The following GLB1 variants were observed in gnomAD, a reference collection of about 807,000 sequenced individuals.
The protein encoded by GLB1 is beta-galactosidase.
A neutral mutation model predicts 74.0 loss-of-function variants in GLB1; 56 were observed. The observed-to-expected ratio is 0.76, with a 90% CI of 0.61 to 0.94. The LOEUF is 0.94. GLB1 is among the 40% of genes least tolerant of loss of function. The pLI is 0.00. For synonymous variants in GLB1, 323 were observed against 323.6 expected, an observed-to-expected ratio of 1.00 and a Z score of 0.02; for missense variants, 787 against 845.5, an observed-to-expected ratio of 0.93 and a Z score of 0.86.
intron 4 of GLB1, 95 bp from the exon 5 acceptor site, chr3:33,065,652 T>C (rs2125543830): frequency 7.1e-7 from 1 of 1,418,414 alleles, no homozygotes; most frequent in East Asian, 2.5e-5. Context: ...CCAACACAAA[T>C]TCGTAAACTT....
At chr3:33,024,116 G>T in intron 11 of GLB1, 135 bp downstream of exon 11, 2 of 995,424 alleles carry the variant, frequency 2.0e-6, no homozygotes, top group Non-Finnish European at 3.0e-6. Flanking sequence ...TACCCCATTA[G>T]GCTTGCAGAA....
chr3:32,968,621 C>G, the GLB1 span, among the ~76,000 whole-genome samples: 1 of 152,104 alleles, frequency 6.6e-6, no homozygotes, highest in Non-Finnish European at 1.5e-5. Context: ...CATTTAGATC[C>G]CAAATTTCTT....
rs61013692 is a variant in GLB1 at position 33,022,564 on chromosome 3, ATTT to A, written c.1144-912_1144-910del. On this transcript the variant is annotated intron_variant, in intron 11 of 15. Transcript: ENST00000307363. ...TTCCATGACTATAATACTGGTTAGG[ATTT>A]TTTTTTTTTTTTTTTTGAGAGAGTC... 2.5e-4 allele frequency among the ~76,000 whole-genome samples: 16 copies of A among 63,766 alleles called. 1 individual carries two copies. The highest frequency in any genetic ancestry group is 1.7e-3 in the East Asian group (3 of 1,720). 41.8% of individuals were successfully genotyped at this position (63,766 alleles called of 152,430 possible).
At chr3:32,965,367 T>C in the GLB1 span, among the ~76,000 whole-genome samples, 1 of 152,106 alleles carries the variant, frequency 6.6e-6, no homozygotes, top group Non-Finnish European at 1.5e-5. Flanking sequence ...ATAAGGAAGT[T>C]CTTGGGGACT....
chr3:33,058,697 A>G (rs1208747241), intron 5 of GLB1, among the ~76,000 whole-genome samples: 2 of 152,228 alleles, frequency 1.3e-5, no homozygotes, highest in Non-Finnish European at 2.9e-5. Context: ...ACAGCCGTCT[A>G]GATTTACACA....
intron 5 of GLB1, among the ~76,000 whole-genome samples, chr3:33,063,574 T>C (rs1470495717): frequency 6.6e-6 from 1 of 152,202 alleles, no homozygotes; most frequent in Non-Finnish European, 1.5e-5. Flanking sequence ...TACTTGATTA[T>C]ACTTTTTGTG....
At chr3:32,962,432 C>A in the GLB1 span, among the ~76,000 whole-genome samples, 1 of 150,726 alleles carries the variant, frequency 6.6e-6, no homozygotes, top group Non-Finnish European at 1.5e-5. Context: ...TAAATGGGAA[C>A]TTTCTGTGCC....
At chr3:33,016,962 G>T in intron 13 of GLB1, 122 bp from the exon 14 acceptor site, 2 of 1,477,068 alleles carry the variant, frequency 1.4e-6, no homozygotes, top group East Asian at 2.4e-5. Context: ...GACTTGGAAA[G>T]AAATGCTTTG....
chr3:33,096,886 T>TG, intron 1 of GLB1, 125 bp downstream of exon 1: 4 of 1,479,346 alleles, frequency 2.7e-6, no homozygotes, highest in Non-Finnish European at 2.7e-6. Context: ...GCGAGCCTGC[T>TG]GGGGGGCACT....
At chr3:32,984,080 C>T in the GLB1 span, among the ~76,000 whole-genome samples, 1 of 152,112 alleles carries the variant, frequency 6.6e-6, no homozygotes, top group Non-Finnish European at 1.5e-5. Context: ...AGATATGTAG[C>T]TGCAATATTA....
intron 10 of GLB1, among the ~76,000 whole-genome samples, chr3:33,037,439 A>G (rs1246857210): frequency 2.6e-5 from 4 of 152,228 alleles, no homozygotes; most frequent in Non-Finnish European, 4.4e-5. Flanking sequence ...TGTTTAGAAA[A>G]TAAATAAACC....
the GLB1 span, among the ~76,000 whole-genome samples, chr3:32,988,334 G>C: frequency 6.6e-6 from 1 of 152,168 alleles, no homozygotes; most frequent in African/African-American, 2.4e-5. Flanking sequence ...GTCACTAAGA[G>C]AAAGAGGAAG....
intron 10 of GLB1, chr3:33,030,610 A>C (rs1697964662): frequency 1.0e-6 from 1 of 985,310 alleles, no homozygotes; most frequent in Non-Finnish European, 1.2e-6. Context: ...CCTGGATCAA[A>C]TTTCAAACTT....
chr3:33,084,588 C>CA (rs1430403263), intron 1 of GLB1, among the ~76,000 whole-genome samples: 1 of 152,130 alleles, frequency 6.6e-6, no homozygotes, highest in Non-Finnish European at 1.5e-5. Flanking sequence ...ATAAAGAAGG[C>CA]AAATCGCAAT....
At chr3:33,034,738 T>C (rs1042781656) in intron 10 of GLB1, 8 of 688,600 alleles carry the variant, frequency 1.2e-5, no homozygotes, top group Non-Finnish European at 1.9e-5. Flanking sequence ...AGTGGGTGTG[T>C]ATCAGTGATG....
intron 1 of GLB1, among the ~76,000 whole-genome samples, chr3:33,095,877 T>A (rs1337345428): frequency 6.6e-6 from 1 of 152,188 alleles, no homozygotes; most frequent in African/African-American, 2.4e-5. Context: ...AAGAAAACTC[T>A]GTCTACATAC....
chr3:32,976,032 T>C, the GLB1 span, among the ~76,000 whole-genome samples: 1 of 152,182 alleles, frequency 6.6e-6, no homozygotes, highest in Non-Finnish European at 1.5e-5. Context: ...CAATTCAGCA[T>C]TTCACCCATC....
intron 6 of GLB1, among the ~76,000 whole-genome samples, chr3:33,055,977 C>G (rs532752237): frequency 2.3e-4 from 35 of 151,596 alleles, no homozygotes; most frequent in Middle Eastern, 3.4e-3. Context: ...CCTGTAATCC[C>G]AACACTTTGG....
chr3:33,041,292 C>G (rs62253980), intron 10 of GLB1, among the ~76,000 whole-genome samples: 32,091 of 152,102 alleles, frequency 0.21, 3,762 homozygotes, highest in Admixed American at 0.3. Flanking sequence ...TGACAGAGTA[C>G]AGTAAACTGA....
Sources: gnomAD v4.1 joint callset for allele counts (sites outside exome capture counted in the v4.1 genomes callset) on GRCh38, gnomAD v4.1.1 for gene constraint, MANE v1.5 for transcripts, NCBI Gene and HGNC (gene_info 2026-07-23, HGNC 2026-07-21) for gene names.